Variants in PLCZ1 observed in about 807,000 individuals in gnomAD.
PLCZ1 encodes the protein phospholipase C zeta 1.
A neutral mutation model predicts 76.8 loss-of-function variants in PLCZ1; 64 were observed. The ratio of observed to expected loss-of-function variants is 0.83; its 90% CI spans 0.68 to 1.03. The LOEUF is 1.03. Ranked by LOEUF, PLCZ1 falls within the 50% of genes least tolerant of loss-of-function variation. The probability of loss-of-function intolerance (pLI) is 0.00; values close to 1 mark genes in which losing one functional copy is unlikely to be tolerated. For synonymous variants in PLCZ1, 248 were observed against 230.8 expected (o/e 1.07, Z -0.68); for missense variants, 751 against 713.7 (o/e 1.05, Z -0.60).
intron 5 of PLCZ1, among the ~76,000 whole-genome samples, chr12:18,716,693 C>A (rs959090096): frequency 9.9e-5 from 15 of 152,206 alleles, no homozygotes; most frequent in African/African-American, 3.6e-4. Flanking sequence ...GAAATTTCCA[C>A]TCTTAACTTT....
chr12:18,669,501 G>A, the PLCZ1 span, among the ~76,000 whole-genome samples: 2 of 152,124 alleles, frequency 1.3e-5, no homozygotes, highest in African/African-American at 4.8e-5. Context: ...TAGACTCGGT[G>A]GCTTAAACAA....
intron 3 of PLCZ1, among the ~76,000 whole-genome samples, chr12:18,727,362 T>C (rs933143726): frequency 3.9e-5 from 6 of 151,968 alleles, no homozygotes; most frequent in Non-Finnish European, 8.8e-5. Context: ...TTTTTTAACA[T>C]TTTAAAAATA....
At chr12:18,687,077 T>C (rs1481057352) in intron 13 of PLCZ1, among the ~76,000 whole-genome samples, 1 of 152,080 alleles carries the variant, frequency 6.6e-6, no homozygotes, top group African/African-American at 2.4e-5. Flanking sequence ...GCCGTAGCAA[T>C]GTGCCTTCAA....
chr12:18,649,911 C>G, the PLCZ1 span, among the ~76,000 whole-genome samples: 2 of 152,062 alleles, frequency 1.3e-5, no homozygotes, highest in Non-Finnish European at 2.9e-5. Context: ...TGTGTGGGAG[C>G]ATGCTCCTCT....
At chr12:18,655,990 A>G in the PLCZ1 span, among the ~76,000 whole-genome samples, 71,005 of 151,988 alleles carry the variant, frequency 0.47, 17,245 homozygotes, top group East Asian at 0.66. Context: ...AATTTTAATT[A>G]AAGTGGACTT....
chr12:18,650,698 G>A, the PLCZ1 span, among the ~76,000 whole-genome samples: 14 of 29,094 alleles, frequency 4.8e-4, no homozygotes, highest in Non-Finnish European at 7.4e-4. Context: ...GTGTGTGTGT[G>A]TGTGTGTATA....
At chr12:18,715,892 G>C (rs896432791) in intron 5 of PLCZ1, 6 of 152,060 alleles carry the variant, frequency 3.9e-5, no homozygotes, top group Non-Finnish European at 8.8e-5. Context: ...AAACTTCAGA[G>C]TTTTCTTAAC....
chr12:18,694,905 C>G lies in PLCZ1; in HGVS notation c.1461+5G>C, dbSNP rs368196189. The G allele has an allele frequency of 3.2e-5, 51 of 1,576,566 alleles. No individual in the cohort carries two copies. The highest frequency in any genetic ancestry group is 3.9e-5 in the Non-Finnish European group (45 of 1,150,098). Reference sequence around the variant, plus strand: ...AAAATGTAAAAGAAAATTTATTAATCTTACCCTTATTGTAAGTGTAATTGG... The same window carrying G: ...AAAATGTAAAAGAAAATTTATTAATGTTACCCTTATTGTAAGTGTAATTGG... On this transcript the variant is annotated splice_donor_5th_base_variant and intron_variant, in intron 12 of 14. Transcript: ENST00000266505.
chr12:18,658,474 T>C, the PLCZ1 span, among the ~76,000 whole-genome samples: 35 of 152,172 alleles, frequency 2.3e-4, no homozygotes, highest in African/African-American at 8.4e-4. Context: ...AAATCCTCAA[T>C]AAGATTAATG....
At chr12:18,699,690 T>G (rs576536671) in intron 10 of PLCZ1, 104 bp downstream of exon 10, 1 of 1,244,112 alleles carries the variant, frequency 8.0e-7, no homozygotes, top group South Asian at 1.2e-5. Flanking sequence ...TGTTGAAATT[T>G]TATGAGAATA....
At chr12:18,706,495 A>G (rs1468265249) in intron 6 of PLCZ1, among the ~76,000 whole-genome samples, 2 of 152,218 alleles carry the variant, frequency 1.3e-5, no homozygotes, top group African/African-American at 2.4e-5. Context: ...AGAAACAAAG[A>G]TAAAGATATT....
chr12:18,688,331 C>T (rs934843728), intron 12 of PLCZ1, 113 bp from the exon 13 acceptor site: 2 of 1,102,900 alleles, frequency 1.8e-6, no homozygotes, highest in Non-Finnish European at 2.6e-6. Context: ...AGTCAGCTCC[C>T]ACAAACATTG....
the PLCZ1 span, among the ~76,000 whole-genome samples, chr12:18,660,090 G>A: frequency 2.0e-5 from 3 of 152,100 alleles, no homozygotes; most frequent in South Asian, 4.1e-4. Flanking sequence ...ATCTGTCTGA[G>A]GTAAATATTT....
chr12:18,730,004 T>A (rs1053619611), intron 3 of PLCZ1, among the ~76,000 whole-genome samples: 2 of 152,132 alleles, frequency 1.3e-5, no homozygotes, highest in African/African-American at 4.8e-5. Flanking sequence ...TCATGCCTAG[T>A]ACTAGGTATA....
intron 11 of PLCZ1, among the ~76,000 whole-genome samples, chr12:18,695,344 T>C (rs1262498437): frequency 6.6e-6 from 1 of 152,088 alleles, no homozygotes; most frequent in Non-Finnish European, 1.5e-5. Context: ...CCAGTACAGA[T>C]TACAGAATAA....
chr12:18,671,668 G>A, the PLCZ1 span, among the ~76,000 whole-genome samples: 1 of 152,080 alleles, frequency 6.6e-6, no homozygotes, highest in Non-Finnish European at 1.5e-5. Context: ...TTTCATTATT[G>A]CAGACAATTT....
intron 10 of PLCZ1, 115 bp downstream of exon 10, chr12:18,699,679 G>T: frequency 8.9e-7 from 1 of 1,123,554 alleles, no homozygotes; most frequent in Non-Finnish European, 1.3e-6. Flanking sequence ...TATGTTAAAT[G>T]TGTTGAAATT....
chr12:18,648,906 T>A, the PLCZ1 span, among the ~76,000 whole-genome samples: 1 of 152,054 alleles, frequency 6.6e-6, no homozygotes, highest in South Asian at 2.1e-4. Flanking sequence ...ACTGAAAAAA[T>A]TTAAATCCCT....
intron 8 of PLCZ1, 60 bp downstream of exon 8, chr12:18,701,631 TC>T: frequency 1.9e-6 from 3 of 1,585,268 alleles, no homozygotes; most frequent in Non-Finnish European, 8.6e-7. Flanking sequence ...CTCCTCCTCC[TC>T]CTCCTCCTCC....
Sources: gnomAD v4.1 joint callset for allele counts (sites outside exome capture counted in the v4.1 genomes callset) on GRCh38, gnomAD v4.1.1 for gene constraint, MANE v1.5 for transcripts, NCBI Gene and HGNC (gene_info 2026-07-23, HGNC 2026-07-21) for gene names.